Variants in C9orf85 observed in about 807,000 individuals in gnomAD.
C9orf85 encodes the protein chromosome 9 open reading frame 85, also known as uncharacterized protein C9orf85.
C9orf85 carries 16 observed loss-of-function variants against 14.9 expected under a neutral mutation model. The ratio of observed to expected loss-of-function variants is 1.08; its 90% confidence interval spans 0.73 to 1.63. The LOEUF (loss-of-function observed/expected upper bound fraction) is 1.63. Ranked by LOEUF, C9orf85 falls within the 40% of genes most tolerant of loss-of-function variation. The pLI, the probability that C9orf85 is intolerant of heterozygous loss-of-function variation, is 0.00. For missense variants in C9orf85, 172 were observed against 186.1 expected, an observed-to-expected ratio of 0.92 and a Z score of 0.44; for synonymous variants, 45 against 56.8, an observed-to-expected ratio of 0.79 and a Z score of 0.93.
chr9:71,969,704 A>T (rs193099323), intron 2 of C9orf85, among the ~76,000 whole-genome samples: 1 of 152,204 alleles, frequency 6.6e-6, no homozygotes, highest in Admixed American at 6.5e-5. Context: ...ATTTGTAATC[A>T]TGTATTAAAA....
rs1287447064 is a variant in C9orf85 at position 71,929,585 on chromosome 9, C to CA, written c.103-17416dup. Among the ~76,000 whole-genome samples, 6 of 152,152 alleles carry CA rather than the reference C, an allele frequency of 3.9e-5. No homozygotes were observed. The East Asian group carries it at 1.2e-3, about 30-fold the overall frequency. On this transcript the variant is annotated intron_variant, in intron 1 of 3. Coordinates refer to ENST00000334731, the MANE Select transcript of C9orf85 (RefSeq NM_182505.5). ...CCTCCTCTCTTAGAACATTGCTTAG[C>CA]AAAAATTATGTTTTGTTCTCTAAAT... is the stretch of plus-strand genomic sequence containing the variant.
downstream of C9orf85, among the ~76,000 whole-genome samples, chr9:71,976,588 G>A (rs1823001943): frequency 6.6e-6 from 1 of 151,772 alleles, no homozygotes; most frequent in Non-Finnish European, 1.5e-5. Flanking sequence ...CATGAACCCG[G>A]GAGGCGGAGC....
chr9:71,913,187 G>A (rs1020256867), intron 1 of C9orf85, among the ~76,000 whole-genome samples: 1 of 152,186 alleles, frequency 6.6e-6, no homozygotes, highest in African/African-American at 2.4e-5. Context: ...TGTTCAATAA[G>A]TGATTAATTT....
intron 1 of C9orf85, among the ~76,000 whole-genome samples, chr9:71,932,100 A>G (rs1828084131): frequency 6.6e-6 from 1 of 152,146 alleles, no homozygotes; most frequent in Non-Finnish European, 1.5e-5. Context: ...TCCTCAAATC[A>G]TACATGAAAC....
intron 1 of C9orf85, among the ~76,000 whole-genome samples, chr9:71,914,579 C>T (rs1290253197): frequency 2.6e-5 from 4 of 152,140 alleles, no homozygotes; most frequent in African/African-American, 9.7e-5. Context: ...TGGATAATTA[C>T]AGATGTTTTA....
chr9:71,951,565 G>A (rs1205178079), intron 2 of C9orf85, among the ~76,000 whole-genome samples: 1 of 152,166 alleles, frequency 6.6e-6, no homozygotes, highest in Non-Finnish European at 1.5e-5. Context: ...GGCTGCAATG[G>A]TGCTGTCAGT....
intron 2 of C9orf85, among the ~76,000 whole-genome samples, chr9:71,965,364 C>T (rs1379336633): frequency 2.6e-5 from 4 of 152,136 alleles, no homozygotes; most frequent in South Asian, 2.1e-4. Context: ...AAGGTGGATG[C>T]GGTCACCTTC....
chr9:71,983,804 G>A (rs59887229), downstream of C9orf85: 1 of 152,172 alleles, frequency 6.6e-6, no homozygotes, highest in Non-Finnish European at 1.5e-5. Context: ...CAACGTGACA[G>A]GGGAGGTAAG....
At chr9:71,968,736 G>A (rs1197359035) in intron 2 of C9orf85, among the ~76,000 whole-genome samples, 5 of 152,094 alleles carry the variant, frequency 3.3e-5, no homozygotes, top group Non-Finnish European at 5.9e-5. Context: ...GGTGTGTCTC[G>A]CGGATGGAGC....
At chr9:71,983,662 T>C (rs1424939696), downstream of C9orf85, 1 of 152,252 alleles carries the variant, frequency 6.6e-6, no homozygotes, top group Admixed American at 6.5e-5. Context: ...GCAGTTGTGA[T>C]TTCTTATAGA....
At chr9:71,971,279 AAAT>A (rs1756650869) in intron 2 of C9orf85, among the ~76,000 whole-genome samples, 1 of 152,208 alleles carries the variant, frequency 6.6e-6, no homozygotes, top group Admixed American at 6.5e-5. Flanking sequence ...ACACTTTAAA[AAAT>A]TTTAAGAGTG....
In C9orf85 at chr9:71,911,742, C is replaced by T. The variant is rs773033019; in HGVS notation, c.8C>T (p.Ser3Phe). The T allele has an allele frequency of 1.2e-6, 2 of 1,614,124 alleles. No individual in the cohort carries two copies. The highest frequency in any genetic ancestry group is 3.3e-5 in the Admixed American group (2 of 60,026). Reference sequence around the variant, plus strand: ...GTGGCTTTGATTTCGGCGATGAGCTCCCAGAAAGGCAACGTGGCTCGTTCC... The same window carrying T: ...GTGGCTTTGATTTCGGCGATGAGCTTCCAGAAAGGCAACGTGGCTCGTTCC... MS[S>F]QKGNVARSRP... The change falls in exon 1 of 4, where the codon TCC becomes TTC. Residue 3 changes from serine (S) to phenylalanine (F), a missense_variant. Coordinates refer to ENST00000334731, the MANE Select transcript of C9orf85 (RefSeq NM_182505.5).
chr9:71,972,006 G>A lies in C9orf85; in HGVS notation c.323+388G>A, dbSNP rs375688903. Among the ~76,000 whole-genome samples, 94 of 149,510 alleles carry A rather than the reference G, an allele frequency of 6.3e-4. 2 individuals carry two copies. The highest frequency in any genetic ancestry group is 1.3e-3 in the African/African-American group (51 of 40,788). ...AAAAAAAAAAAAAAAGAGATGATCCGTGATCCATAACCCTTAGACTTAAGT... is the reference window on the plus strand; with the variant it reads ...AAAAAAAAAAAAAAAGAGATGATCCATGATCCATAACCCTTAGACTTAAGT... On this transcript the variant is annotated intron_variant, in intron 3 of 3. Transcript: ENST00000334731.
At chr9:71,951,033 T>G (rs2132316700) in intron 2 of C9orf85, among the ~76,000 whole-genome samples, 1 of 152,264 alleles carries the variant, frequency 6.6e-6, no homozygotes, top group Middle Eastern at 3.4e-3. Context: ...CTCTTCAGAC[T>G]TACCTGTTTC....
At chr9:71,942,246 T>TTGGACACAAA (rs1401064876) in intron 1 of C9orf85, among the ~76,000 whole-genome samples, 1 of 152,234 alleles carries the variant, frequency 6.6e-6, no homozygotes, top group African/African-American at 2.4e-5. Context: ...ATGCTTTGTG[T>TTGGACACAAA]TGTAAGGACA....
intron 1 of C9orf85, among the ~76,000 whole-genome samples, chr9:71,913,508 T>G (rs1827569600): frequency 6.6e-6 from 1 of 152,186 alleles, no homozygotes; most frequent in Admixed American, 6.5e-5. Context: ...AGTGCTCTCC[T>G]TTCCCCCACT....
chr9:71,911,692 T>C lies in C9orf85; in HGVS notation c.-43T>C, dbSNP rs369949345. ...AGTTCGTTGGTTTTCTTTCCCCTCATCCTTTTGCCTGCTCCCGGCGAGGGG... is the reference window on the plus strand; with the variant it reads ...AGTTCGTTGGTTTTCTTTCCCCTCACCCTTTTGCCTGCTCCCGGCGAGGGG... On this transcript the variant is annotated 5_prime_UTR_variant, in exon 1 of 4. Coordinates refer to ENST00000334731, the MANE Select transcript of C9orf85 (RefSeq NM_182505.5). The C allele has an allele frequency of 1.3e-6, 2 of 1,550,368 alleles. No homozygotes were observed. The highest frequency in any genetic ancestry group is 1.8e-6 in the Non-Finnish European group (2 of 1,121,968).
chr9:71,971,602 G>T lies in C9orf85; in HGVS notation c.307G>T (p.Glu103Ter). 6.2e-7 allele frequency: 1 copy of T among 1,606,826 alleles called. No homozygotes were observed. Among genetic ancestry groups the T allele is most frequent in the South Asian group, 1.1e-5 (1 of 90,830 alleles). ...AGTTTGCGCAAAATGTGGAAAGAAA[G>T]AAGACATTGTTATTCCGTGAGTGTT... ...LEVCAKCGKKEDIVIPLNKET... is the reference protein window; with the variant it reads ...LEVCAKCGKK Residue 103 changes from glutamate (E) to a stop codon, truncating the protein, a stop_gained, in exon 3 of 4, where the codon GAA (glutamate) becomes TAA (stop). Transcript: ENST00000334731. LOFTEE classifies it low-confidence loss of function (END_TRUNC).
intron 2 of C9orf85, among the ~76,000 whole-genome samples, chr9:71,967,514 A>G (rs1822725584): frequency 6.6e-6 from 1 of 152,130 alleles, no homozygotes; most frequent in African/African-American, 2.4e-5. Flanking sequence ...TTTCTTATAC[A>G]AAGTAATTAA....
Sources: gnomAD v4.1 joint callset for allele counts (sites outside exome capture counted in the v4.1 genomes callset) on GRCh38, gnomAD v4.1.1 for gene constraint, MANE v1.5 for transcripts, NCBI Gene and HGNC (gene_info 2026-07-23, HGNC 2026-07-21) for gene names.